SMAP1: variants seen among roughly 807,000 people sequenced by gnomAD.
SMAP1 encodes the protein small ArfGAP 1, also known as stromal membrane-associated protein 1.
A neutral mutation model predicts 58.5 loss-of-function variants in SMAP1; 24 were observed. The ratio of observed to expected loss-of-function variants is 0.41; its 90% CI spans 0.30 to 0.58. The LOEUF is 0.58. Ranked by LOEUF, SMAP1 falls within the 20% of genes least tolerant of loss-of-function variation. The pLI is 0.29. For missense variants in SMAP1, 563 were observed against 566.3 expected (o/e 0.99, Z 0.06); for synonymous variants, 216 against 196.6 (o/e 1.10, Z -0.82).
chr6:70,782,588 A>G (rs531444781), intron 4 of SMAP1, among the ~76,000 whole-genome samples: 1 of 152,288 alleles, frequency 6.6e-6, no homozygotes, highest in African/African-American at 2.4e-5. Context: ...TCGGACTCCA[A>G]GTTCTTTAGT....
intron 6 of SMAP1, among the ~76,000 whole-genome samples, chr6:70,820,257 A>G (rs1438562713): frequency 6.6e-6 from 1 of 152,178 alleles, no homozygotes; most frequent in East Asian, 1.9e-4. Context: ...TGGATGTATC[A>G]GTAGAGATAT....
intron 2 of SMAP1, among the ~76,000 whole-genome samples, chr6:70,744,572 T>C (rs1401316787): frequency 2.0e-5 from 3 of 152,226 alleles, no homozygotes; most frequent in Admixed American, 2.0e-4. Context: ...CAGTCTATCA[T>C]TGATGGACAT....
intron 3 of SMAP1, among the ~76,000 whole-genome samples, chr6:70,755,830 A>G (rs190701068): frequency 4.7e-4 from 71 of 151,934 alleles, no homozygotes; most frequent in Non-Finnish European, 8.6e-4. Context: ...TTACCTTTAT[A>G]TAGTAGTTAT....
intron 1 of SMAP1, among the ~76,000 whole-genome samples, chr6:70,676,258 T>C (rs1766478990): frequency 6.6e-6 from 1 of 152,200 alleles, no homozygotes; most frequent in Non-Finnish European, 1.5e-5. Flanking sequence ...TTACTGAACA[T>C]GAGGGTGGTC....
In SMAP1 at chr6:70,860,185, T is replaced by TTATATGTTTC. The variant is rs1771650696; in HGVS notation, c.1270-14_1270-5dup. The TTATATGTTTC allele has an allele frequency of 1.9e-6, 3 of 1,598,346 alleles. No individual in the cohort carries two copies. The highest frequency in any genetic ancestry group is 2.6e-6 in the Non-Finnish European group (3 of 1,173,902). ...AAGTAAGCCTCTTGAACTAAGCCTT[T>TTATATGTTTC]TATATGTTTCACAGATGAATCAGCA... is the stretch of plus-strand genomic sequence containing the variant. On this transcript the variant is annotated splice_polypyrimidine_tract_variant and intron_variant, in intron 10 of 10. Transcript: ENST00000370455.
chr6:70,732,580 G>A, intron 2 of SMAP1, 69 bp downstream of exon 2: 1 of 1,300,050 alleles, frequency 7.7e-7, no homozygotes, highest in Non-Finnish European at 1.0e-6. Context: ...AACCCTTCTT[G>A]CATCTAAGGA....
At chr6:70,710,203 A>G (rs1767995759) in intron 1 of SMAP1, among the ~76,000 whole-genome samples, 1 of 152,128 alleles carries the variant, frequency 6.6e-6, no homozygotes, top group African/African-American at 2.4e-5. Context: ...TATAAAAGAT[A>G]AAAAACAGGC....
chr6:70,740,633 G>T (rs1293137623), intron 2 of SMAP1, among the ~76,000 whole-genome samples: 2 of 152,036 alleles, frequency 1.3e-5, no homozygotes, highest in Admixed American at 6.6e-5. Flanking sequence ...TCAGTTTGGG[G>T]TCCTATCCTG....
At chr6:70,778,959 A>G (rs922060204) in intron 4 of SMAP1, among the ~76,000 whole-genome samples, 3 of 152,160 alleles carry the variant, frequency 2.0e-5, no homozygotes, top group South Asian at 2.1e-4. Flanking sequence ...ATGGTGGCCA[A>G]CCGGGCCAGT....
chr6:70,720,107 C>T (rs1418966937), intron 1 of SMAP1, among the ~76,000 whole-genome samples: 1 of 152,144 alleles, frequency 6.6e-6, no homozygotes, highest in African/African-American at 2.4e-5. Flanking sequence ...AAAATAAAAT[C>T]AAAAGCAAGG....
At chr6:70,676,386 C>CCTTATTAGCCTTATT (rs1766483577) in intron 1 of SMAP1, among the ~76,000 whole-genome samples, 1 of 152,100 alleles carries the variant, frequency 6.6e-6, no homozygotes, top group African/African-American at 2.4e-5. Context: ...AATAAGGGTA[C>CCTTATTAGCCTTATT]AGTCTGGAGG....
chr6:70,800,415 A>T lies in SMAP1; in HGVS notation c.576+1678A>T, dbSNP rs550431371. Among the ~76,000 whole-genome samples the T allele has an allele frequency of 6.6e-5, 10 of 152,238 alleles. No homozygotes were observed. The East Asian group carries it at 1.9e-3, about 29-fold the overall frequency. On this transcript the variant is annotated intron_variant, in intron 6 of 10. Transcript: ENST00000370455. The stretch of plus-strand genomic sequence containing the variant: ...TCCTCATTGATTTGTAGCTCTCTAT[A>T]CACATATACATAATGTATGGGAGAT...
intron 3 of SMAP1, among the ~76,000 whole-genome samples, chr6:70,770,752 CAA>C (rs1044823111): frequency 4.6e-5 from 7 of 152,314 alleles, no homozygotes; most frequent in Middle Eastern, 3.4e-3. Context: ...CTCAACTTGT[CAA>C]AGTCATTCTC....
chr6:70,847,355 A>G (rs893395077), intron 7 of SMAP1, among the ~76,000 whole-genome samples: 1 of 152,178 alleles, frequency 6.6e-6, no homozygotes, highest in Non-Finnish European at 1.5e-5. Context: ...TGATTTTAAC[A>G]ATTTTTTTCT....
intron 8 of SMAP1, among the ~76,000 whole-genome samples, chr6:70,855,107 T>TATACATATACATATACATATACATATAC (rs1562204936): frequency 6.6e-6 from 1 of 150,730 alleles, no homozygotes; most frequent in Admixed American, 6.6e-5. Context: ...TACATATACA[T>TATACATATACATATACATATACATATAC]ATACCAACAG....
chr6:70,792,321 T>C (rs1465725927), intron 5 of SMAP1, among the ~76,000 whole-genome samples: 1 of 120,758 alleles, frequency 8.3e-6, no homozygotes, highest in African/African-American at 3.1e-5. Flanking sequence ...TTTGACTCTT[T>C]ACCTATTTTT....
chr6:70,710,362 G>A (rs935133980), intron 1 of SMAP1, among the ~76,000 whole-genome samples: 2 of 151,826 alleles, frequency 1.3e-5, no homozygotes, highest in African/African-American at 2.4e-5. Flanking sequence ...ATGGTGGCAT[G>A]CACCCGTAGT....
At chr6:70,806,465 G>A (rs1301554288) in intron 6 of SMAP1, among the ~76,000 whole-genome samples, 3 of 152,188 alleles carry the variant, frequency 2.0e-5, no homozygotes, top group Non-Finnish European at 4.4e-5. Flanking sequence ...GCTTCCTGGT[G>A]AGGTGATGCC....
At chr6:70,810,210 T>A (rs1452915295) in intron 6 of SMAP1, among the ~76,000 whole-genome samples, 1 of 152,188 alleles carries the variant, frequency 6.6e-6, no homozygotes, top group Non-Finnish European at 1.5e-5. Flanking sequence ...TCTGTGGGGC[T>A]CAGGCATGCG....
Sources: allele counts gnomAD v4.1 joint callset (sites outside exome capture counted in the v4.1 genomes callset), GRCh38; gene constraint gnomAD v4.1.1; transcripts MANE v1.5; gene names NCBI Gene and HGNC (gene_info 2026-07-23, HGNC 2026-07-21).